NFS1: variants seen among roughly 807,000 people sequenced by gnomAD.
NFS1 encodes the protein NFS1 cysteine desulfurase, also known as cysteine desulfurase.
A neutral mutation model predicts 57.3 loss-of-function variants in NFS1; 26 were observed. The ratio of observed to expected loss-of-function variants is 0.45; its 90% CI spans 0.33 to 0.63. The LOEUF is 0.63. NFS1 is among the 20% of genes least tolerant of loss of function. The probability of loss-of-function intolerance (pLI) is 0.02; values close to 1 mark genes in which losing one functional copy is unlikely to be tolerated. For missense variants in NFS1, 505 were observed against 605.8 expected (o/e 0.83, Z 1.75); for synonymous variants, 209 against 216.3 (o/e 0.97, Z 0.30).
chr20:35,672,076 A>AG (rs35246017), intron 12 of NFS1, among the ~76,000 whole-genome samples: 39,305 of 151,572 alleles, frequency 0.26, 5,899 homozygotes, highest in African/African-American at 0.43. Flanking sequence ...CTCCTGCCTC[A>AG]CCTCCCGAGT....
At chr20:35,679,116 T>C (rs1482706491) in intron 7 of NFS1, among the ~76,000 whole-genome samples, 3 of 152,200 alleles carry the variant, frequency 2.0e-5, no homozygotes, top group Admixed American at 2.0e-4. Flanking sequence ...TCAGAGCTTC[T>C]GATCAATGAG....
Position 35,674,540 on chromosome 20 carries a change from C to G in NFS1, c.1026G>C (p.Met342Ile). 6.2e-7 allele frequency: 1 copy of G among 1,614,092 alleles called. No individual in the cohort carries two copies. The stretch of plus-strand genomic sequence containing the variant: ...GATAATGGTGCTTAGGGTCCCCATT[C>G]ATCACCACATCTGGAAGGCTCTTCA... ...NIMKSLPDVV[M>I]NGDPKHHYPG... The change falls in exon 9 of 13, where the codon ATG becomes ATC. Residue 342 changes from methionine (M) to isoleucine (I), a missense_variant. Transcript: ENST00000374092.
At chr20:35,696,801 T>C (rs2035141842) in intron 3 of NFS1, among the ~76,000 whole-genome samples, 1 of 152,092 alleles carries the variant, frequency 6.6e-6, no homozygotes, top group African/African-American at 2.4e-5. Context: ...AAACTCCATT[T>C]CTACTAAGAA....
At chr20:35,696,520 GAC>G (rs1334429699) in intron 3 of NFS1, 60 bp from the exon 4 acceptor site, 1 of 1,326,184 alleles carries the variant, frequency 7.5e-7, no homozygotes, top group Non-Finnish European at 1.1e-6. Context: ...TAGAGCTGCA[GAC>G]ACAGGTGGGA....
intron 7 of NFS1, among the ~76,000 whole-genome samples, chr20:35,677,631 A>G (rs1054862450): frequency 6.6e-6 from 1 of 152,236 alleles, no homozygotes; most frequent in Non-Finnish European, 1.5e-5. Flanking sequence ...ATGAGCATGC[A>G]AAGTTATTCA....
At chr20:35,688,080 C>T (rs2034975603) in intron 5 of NFS1, among the ~76,000 whole-genome samples, 4 of 152,078 alleles carry the variant, frequency 2.6e-5, no homozygotes, top group Admixed American at 6.6e-5. Flanking sequence ...CCTGACTCTA[C>T]TAATAATACA....
At position 35,699,152 on chromosome 20, in the gene NFS1, G is replaced by A; in HGVS notation, c.97+40C>T. ...TTCAGTTGCGTCGCCGCGCGGAGGG[G>A]ACAGGTCCGCGCCTCCCGGAGAGCG... On this transcript the variant is annotated intron_variant, in intron 1 of 12. Transcript: ENST00000374092. The surrounding 1 kb of genome is among the most constrained non-coding windows in gnomAD (Gnocchi z 4.4). The A allele has an allele frequency of 1.4e-6, 2 of 1,383,728 alleles. No homozygotes were observed. The highest frequency in any genetic ancestry group is 3.7e-5 in the Admixed American group (1 of 27,354). The allele number at this position is 1,383,728 out of a possible 1,614,324, so 85.7% of individuals were successfully genotyped here.
chr20:35,695,481 T>C (rs1200828034), intron 4 of NFS1, among the ~76,000 whole-genome samples: 1 of 152,250 alleles, frequency 6.6e-6, no homozygotes, highest in Non-Finnish European at 1.5e-5. Flanking sequence ...CTATGTTCTA[T>C]GAAACACCAA....
chr20:35,686,482 A>T (rs1451525647), intron 5 of NFS1, among the ~76,000 whole-genome samples: 2 of 152,190 alleles, frequency 1.3e-5, no homozygotes, highest in Non-Finnish European at 2.9e-5. Context: ...AAGCCAGTGA[A>T]TTGTATAATT....
chr20:35,699,299 G>C lies in NFS1; in HGVS notation c.-11C>G. 1 of 1,399,570 alleles carries C rather than the reference G, an allele frequency of 7.1e-7. No individual in the cohort carries two copies. Among genetic ancestry groups the C allele is most frequent in the Non-Finnish European group, 9.2e-7 (1 of 1,084,656 alleles). 86.7% of individuals were successfully genotyped at this position (1,399,570 alleles called of 1,614,324 possible). On this transcript the variant is annotated 5_prime_UTR_variant, in exon 1 of 13. Transcript: ENST00000374092. The surrounding 1 kb of genome is among the most constrained non-coding windows in gnomAD (Gnocchi z 4.4). ...GGCTCGGAGCAGCATGGTCCCGCTG[G>C]CAGAGCCCACCTTCCGAAGCCGCTG...
chr20:35,699,257 G>A lies in NFS1; in HGVS notation c.32C>T (p.Ala11Val), dbSNP rs2035201681. MLLRAAWRRAAVAVTAAPGPK... is the reference protein window; with the variant it reads MLLRAAWRRAVVAVTAAPGPK... ...CCCTGGAGCCGCTGTCACCGCCACT[G>A]CCGCCCGCCTCCAAGCGGCTCGGAG... is the stretch of plus-strand genomic sequence containing the variant. The change falls in exon 1 of 13, where the codon GCA becomes GTA. Residue 11 changes from alanine (A) to valine (V), a missense_variant. Coordinates refer to ENST00000374092, the MANE Select transcript of NFS1 (RefSeq NM_021100.5). The surrounding 1 kb of genome is among the most constrained non-coding windows in gnomAD (Gnocchi z 4.4). 2 of 1,424,350 alleles carry A rather than the reference G, an allele frequency of 1.4e-6. No homozygotes were observed. Among genetic ancestry groups the A allele is most frequent in the Non-Finnish European group, 1.8e-6 (2 of 1,098,350 alleles). 88.2% of individuals were successfully genotyped at this position (1,424,350 alleles called of 1,614,324 possible).
At chr20:35,682,948 G>A (rs2034874404) in intron 5 of NFS1, among the ~76,000 whole-genome samples, 1 of 151,884 alleles carries the variant, frequency 6.6e-6, no homozygotes, top group Non-Finnish European at 1.5e-5. Flanking sequence ...TGTGGTGGCA[G>A]GCACCGGTAG....
Position 35,669,464 on chromosome 20 carries a change from C to G in NFS1, c.*158G>C. 1.5e-6 allele frequency: 1 copy of G among 663,442 alleles called. No homozygotes were observed. The highest frequency in any genetic ancestry group is 1.9e-5 in the South Asian group (1 of 51,882). 41.1% of individuals were successfully genotyped at this position (663,442 alleles called of 1,614,324 possible). A position where few individuals can be genotyped will look rare whatever the true frequency, so the allele number is the denominator to read the frequency against. ...CCAAGGAACTGAAGCTAGGGAAAGACAGTTTTCTTGTGTTTCTGTCATAGA... is the reference window on the plus strand; with the variant it reads ...CCAAGGAACTGAAGCTAGGGAAAGAGAGTTTTCTTGTGTTTCTGTCATAGA... On this transcript the variant is annotated 3_prime_UTR_variant, in exon 13 of 13. Transcript: ENST00000374092.
intron 10 of NFS1, chr20:35,673,940 C>T (rs2034697723): frequency 2.1e-6 from 1 of 467,938 alleles, no homozygotes; most frequent in Non-Finnish European, 3.9e-6. Context: ...GAGCATGATA[C>T]CACATGGGTT....
chr20:35,671,094 C>T (rs2034645527), intron 12 of NFS1, among the ~76,000 whole-genome samples: 1 of 152,118 alleles, frequency 6.6e-6, no homozygotes, highest in African/African-American at 2.4e-5. Flanking sequence ...GATCTCATTA[C>T]CTTTATAAAC....
intron 3 of NFS1, among the ~76,000 whole-genome samples, chr20:35,697,411 G>A (rs1012566544): frequency 6.6e-6 from 1 of 152,048 alleles, no homozygotes; most frequent in Admixed American, 6.6e-5. Flanking sequence ...AATCCACCCA[G>A]TAACCCTACA....
chr20:35,683,511 T>C (rs1294226083), intron 5 of NFS1, among the ~76,000 whole-genome samples: 1 of 147,120 alleles, frequency 6.8e-6, no homozygotes, highest in Non-Finnish European at 1.5e-5. Context: ...CCAGGCACGG[T>C]GGCTCACACC....
rs1226726551 is a variant in NFS1, at chr20:35,674,512, C to T, written c.1054G>A (p.Gly352Ser). 7.4e-6 allele frequency: 12 copies of T among 1,613,364 alleles called. No homozygotes were observed. The highest frequency in any genetic ancestry group is 2.7e-5 in the African/African-American group (2 of 74,868). The change falls in exon 9 of 13, where the codon GGC becomes AGC. Residue 352 changes from glycine to serine, a missense_variant and splice_region_variant. Transcript: ENST00000374092. ...MNGDPKHHYPGCINLSFAYVE... is the reference protein window; with the variant it reads ...MNGDPKHHYPSCINLSFAYVE... ...GAGGATAGAAAGAGCAAGTCCATAC[C>T]GGGATAATGGTGCTTAGGGTCCCCA... is the stretch of plus-strand genomic sequence containing the variant.
At chr20:35,678,089 C>T (rs1160932294) in intron 7 of NFS1, among the ~76,000 whole-genome samples, 1 of 151,980 alleles carries the variant, frequency 6.6e-6, no homozygotes, top group African/African-American at 2.4e-5. Flanking sequence ...GTGGCTCACA[C>T]CTGTATTCCC....
Sources: allele counts gnomAD v4.1 joint callset (sites outside exome capture counted in the v4.1 genomes callset), GRCh38; gene constraint gnomAD v4.1.1; non-coding constraint Gnocchi (gnomAD v3.1); transcripts MANE v1.5; gene names NCBI Gene and HGNC (gene_info 2026-07-23, HGNC 2026-07-21).